Variants in LARP4B observed in about 807,000 individuals in gnomAD.
LARP4B encodes the protein La ribonucleoprotein 4B.
Under a neutral mutation model 89.8 loss-of-function variants are expected in LARP4B, and 12 were observed. The ratio of observed to expected loss-of-function variants is 0.13; its 90% CI spans 0.09 to 0.22. LARP4B has a LOEUF of 0.22. LARP4B is among the 10% of genes least tolerant of loss of function. The pLI is 1.00. For missense variants in LARP4B, 757 were observed against 947.7 expected (o/e 0.80, Z 2.64); for synonymous variants, 367 against 363.3 (o/e 1.01, Z -0.12).
chr10:867,299 T>C (rs938327035), intron 3 of LARP4B, among the ~76,000 whole-genome samples: 16 of 152,272 alleles, frequency 1.1e-4, no homozygotes, highest in Admixed American at 3.3e-4. Flanking sequence ...TCAGAACAAG[T>C]CTTGGAGGTC....
chr10:952,067 A>C, the LARP4B span, among the ~76,000 whole-genome samples: 3 of 151,986 alleles, frequency 2.0e-5, no homozygotes, highest in African/African-American at 7.3e-5. Context: ...GGCCTGGTGC[A>C]GTGGCTCACG....
chr10:856,983 C>T (rs941127065), intron 5 of LARP4B, among the ~76,000 whole-genome samples: 1 of 151,984 alleles, frequency 6.6e-6, no homozygotes, highest in African/African-American at 2.4e-5. Context: ...GTCCAGGGCC[C>T]GGGCTCACTA....
the LARP4B span, among the ~76,000 whole-genome samples, chr10:962,095 C>G: frequency 6.6e-6 from 1 of 152,044 alleles, no homozygotes; most frequent in Admixed American, 6.6e-5. Flanking sequence ...GAGTTCGAGA[C>G]CAGCCTGGCC....
At chr10:941,771 G>GTTTGT in the LARP4B span, among the ~76,000 whole-genome samples, 32 of 151,468 alleles carry the variant, frequency 2.1e-4, 1 homozygote, top group South Asian at 5.0e-3. Context: ...TTTTTTGTTT[G>GTTTGT]TTTGTTTTGT....
chr10:966,586 G>A, the LARP4B span, among the ~76,000 whole-genome samples: 6 of 152,258 alleles, frequency 3.9e-5, no homozygotes. Context: ...GGAGCTGCAG[G>A]CAAGCACATT....
chr10:941,905 A>T, the LARP4B span, among the ~76,000 whole-genome samples: 1 of 152,090 alleles, frequency 6.6e-6, no homozygotes, highest in Non-Finnish European at 1.5e-5. Context: ...CCTCCTAAGT[A>T]CCTGGGATTA....
chr10:848,515 C>T (rs1169026379), intron 5 of LARP4B, among the ~76,000 whole-genome samples: 1 of 150,800 alleles, frequency 6.6e-6, no homozygotes, highest in Non-Finnish European at 1.5e-5. Context: ...TAAAAGTTAT[C>T]ATAACTGTAT....
rs1431818542 is a variant in LARP4B at position 838,009 on chromosome 10, A to G, written c.647-1503T>C. 2.0e-5 allele frequency among the ~76,000 whole-genome samples: 3 copies of G among 152,214 alleles called. 1 individual carries two copies. Among genetic ancestry groups the G allele is most frequent in the Admixed American group, 2.0e-4 (3 of 15,288 alleles). On this transcript the variant is annotated intron_variant, in intron 7 of 17. Transcript: ENST00000316157. Reference sequence around the variant, plus strand: ...ACGTGTAATACATATTTAAGTGTACACACATACATCATTGACAATGTGACC... The same window carrying G: ...ACGTGTAATACATATTTAAGTGTACGCACATACATCATTGACAATGTGACC...
chr10:924,861 A>C (rs534822827), intron 1 of LARP4B, among the ~76,000 whole-genome samples: 1 of 152,306 alleles, frequency 6.6e-6, no homozygotes, highest in East Asian at 1.9e-4. Context: ...CCTCTTGTTC[A>C]CCATACTGGG....
intron 1 of LARP4B, among the ~76,000 whole-genome samples, chr10:924,175 A>C (rs528594263): frequency 5.3e-5 from 8 of 152,276 alleles, no homozygotes; most frequent in African/African-American, 1.7e-4. Context: ...GCCCAGGTCG[A>C]GGCTGCAGAG....
chr10:884,047 C>T (rs948897141), intron 3 of LARP4B, among the ~76,000 whole-genome samples: 2 of 152,110 alleles, frequency 1.3e-5, no homozygotes, highest in African/African-American at 2.4e-5. Context: ...TTAATCACAG[C>T]TAAAATGTGA....
At chr10:877,612 T>C (rs527686513) in intron 3 of LARP4B, among the ~76,000 whole-genome samples, 127 of 152,204 alleles carry the variant, frequency 8.3e-4, no homozygotes, top group Non-Finnish European at 1.6e-3. Context: ...TGTCTCAGTT[T>C]CCTCATTTGT....
At chr10:849,474 CTGG>C (rs1833936835) in intron 5 of LARP4B, among the ~76,000 whole-genome samples, 2 of 152,200 alleles carry the variant, frequency 1.3e-5, no homozygotes, top group Non-Finnish European at 2.9e-5. Flanking sequence ...AACAAACATT[CTGG>C]AATCCACACT....
chr10:852,836 A>G (rs976590574), intron 5 of LARP4B, among the ~76,000 whole-genome samples: 2 of 152,246 alleles, frequency 1.3e-5, no homozygotes, highest in African/African-American at 4.8e-5. Flanking sequence ...GTAACAAACA[A>G]CTGCAAATAC....
At chr10:891,674 T>G (rs1836026148) in intron 1 of LARP4B, among the ~76,000 whole-genome samples, 1 of 152,212 alleles carries the variant, frequency 6.6e-6, no homozygotes, top group Non-Finnish European at 1.5e-5. Context: ...AAAGTAACCA[T>G]GCCACAGTCT....
chr10:944,748 G>C, the LARP4B span, among the ~76,000 whole-genome samples: 1 of 152,196 alleles, frequency 6.6e-6, no homozygotes, highest in African/African-American at 2.4e-5. Flanking sequence ...TTCCCATCTT[G>C]AAGTCCTGGC....
chr10:975,494 C>T, the LARP4B span, among the ~76,000 whole-genome samples: 4 of 152,196 alleles, frequency 2.6e-5, no homozygotes, highest in African/African-American at 9.7e-5. Flanking sequence ...TTTTCATATA[C>T]AAAATGTTAG....
At chr10:930,861 C>T (rs1370374093) in intron 1 of LARP4B, among the ~76,000 whole-genome samples, 1 of 152,016 alleles carries the variant, frequency 6.6e-6, no homozygotes. Flanking sequence ...CCCGCACGGC[C>T]GCCTATCCGG....
At chr10:899,337 T>C (rs893916849) in intron 1 of LARP4B, among the ~76,000 whole-genome samples, 1 of 152,142 alleles carries the variant, frequency 6.6e-6, no homozygotes, top group Non-Finnish European at 1.5e-5. Context: ...ATATAAAACC[T>C]CTCTCCTGAA....
Sources: gnomAD v4.1 joint callset for allele counts (sites outside exome capture counted in the v4.1 genomes callset) on GRCh38, gnomAD v4.1.1 for gene constraint, MANE v1.5 for transcripts, NCBI Gene and HGNC (gene_info 2026-07-23, HGNC 2026-07-21) for gene names.